Variants in EPHA5 observed in about 807,000 individuals in gnomAD.
The protein encoded by EPHA5 is EPH receptor A5.
Under a neutral mutation model 105.0 loss-of-function variants are expected in EPHA5, and 60 were observed. That is an observed-to-expected ratio of 0.57 (90% CI 0.46 to 0.71). The LOEUF (loss-of-function observed/expected upper bound fraction) is 0.71, where lower values mean the gene tolerates loss of function less well. EPHA5 is among the 30% of genes least tolerant of loss of function. The pLI, the probability that EPHA5 is intolerant of heterozygous loss-of-function variation, is 0.00. For missense variants in EPHA5, 1,218 were observed against 1,274.7 expected, an observed-to-expected ratio of 0.96 and a Z score of 0.68; for synonymous variants, 513 against 449.1, an observed-to-expected ratio of 1.14 and a Z score of -1.80.
chr4:65,433,590 GT>G (rs1212464595), intron 5 of EPHA5, among the ~76,000 whole-genome samples: 2 of 152,158 alleles, frequency 1.3e-5, no homozygotes, highest in Admixed American at 6.6e-5. Context: ...CAACAAAGTA[GT>G]GGTATAAAAC....
Position 65,574,643 on chromosome 4 carries a change from C to CACAT in EPHA5, c.910+26997_910+26998insATGT, listed in dbSNP as rs1553942710. 3.4e-3 allele frequency among the ~76,000 whole-genome samples: 216 copies of CACAT among 63,514 alleles called. 12 individuals are homozygous for CACAT. The highest frequency in any genetic ancestry group is 9.6e-3 in the East Asian group (24 of 2,502). 41.7% of individuals were successfully genotyped at this position (63,514 alleles called of 152,430 possible). A position where few individuals can be genotyped will look rare whatever the true frequency, so the allele number is the denominator to read the frequency against. ...ATATATATACACATATATATATACA[C>CACAT]ATATATATACACATATATATATACA... On this transcript the variant is annotated intron_variant, in intron 3 of 16. Transcript: ENST00000613740.
At position 65,323,814 on chromosome 4, in the gene EPHA5, T is replaced by G. The variant is rs1257119520; in HGVS notation, c.*300A>C. ...ATAAAAGTGCTATATAATTATATATTTCATGTACAAAATTTTGTAGAAGTA... is the reference window on the plus strand; with the variant it reads ...ATAAAAGTGCTATATAATTATATATGTCATGTACAAAATTTTGTAGAAGTA... On this transcript the variant is annotated 3_prime_UTR_variant, in exon 17 of 17. Coordinates refer to ENST00000613740, the MANE Select transcript of EPHA5 (RefSeq NM_001281766.3). The G allele has an allele frequency of 1.9e-5, 5 of 256,542 alleles. No homozygotes were observed. Among genetic ancestry groups the G allele is most frequent in the East Asian group, 1.2e-4 (2 of 17,178 alleles). The allele number at this position is 256,542 out of a possible 1,614,324, so 15.9% of individuals were successfully genotyped here.
At chr4:65,453,638 G>T (rs1476410623) in intron 5 of EPHA5, among the ~76,000 whole-genome samples, 1 of 152,162 alleles carries the variant, frequency 6.6e-6, no homozygotes, top group Non-Finnish European at 1.5e-5. Flanking sequence ...TCTCAAGTAA[G>T]CATGTGTACA....
chr4:65,549,234 C>T (rs1233405619), intron 3 of EPHA5, among the ~76,000 whole-genome samples: 1 of 151,972 alleles, frequency 6.6e-6, no homozygotes, highest in Non-Finnish European at 1.5e-5. Context: ...ATCATTAAGT[C>T]CTGAAAGAAA....
At chr4:65,436,351 G>GAC (rs151176532) in intron 5 of EPHA5, among the ~76,000 whole-genome samples, 11,762 of 150,724 alleles carry the variant, frequency 0.078, 585 homozygotes, top group Non-Finnish European at 0.11. Flanking sequence ...GCTATAAACA[G>GAC]ACACACACAC....
chr4:65,506,703 G>A (rs994279615), intron 3 of EPHA5, among the ~76,000 whole-genome samples: 16 of 151,060 alleles, frequency 1.1e-4, no homozygotes, highest in African/African-American at 2.9e-4. Flanking sequence ...TCCTTCGCCC[G>A]CTTGTTGATG....
At chr4:65,505,406 C>T (rs1732910168) in intron 3 of EPHA5, among the ~76,000 whole-genome samples, 1 of 152,006 alleles carries the variant, frequency 6.6e-6, no homozygotes, top group South Asian at 2.1e-4. Context: ...TTCATAAAAA[C>T]AAGAAGCATC....
chr4:65,446,844 A>T (rs1289313815), intron 5 of EPHA5, among the ~76,000 whole-genome samples: 1 of 152,212 alleles, frequency 6.6e-6, no homozygotes. Flanking sequence ...TAATAACAAA[A>T]GCAGGGACAA....
intron 5 of EPHA5, among the ~76,000 whole-genome samples, chr4:65,465,471 G>T (rs199734334): frequency 1.4e-5 from 1 of 72,458 alleles, no homozygotes; most frequent in East Asian, 3.9e-4. Flanking sequence ...GAAAGAAAAA[G>T]AAAGAAAGAA....
At chr4:65,425,122 A>G (rs1002326216) in intron 5 of EPHA5, among the ~76,000 whole-genome samples, 3 of 152,244 alleles carry the variant, frequency 2.0e-5, no homozygotes, top group South Asian at 4.1e-4. Flanking sequence ...AGAGGTAAAT[A>G]AAACAATATT....
At chr4:65,377,393 C>T (rs1193511455) in intron 8 of EPHA5, among the ~76,000 whole-genome samples, 1 of 151,950 alleles carries the variant, frequency 6.6e-6, no homozygotes, top group East Asian at 1.9e-4. Flanking sequence ...TAATATATCT[C>T]TCCTCAGAAA....
chr4:65,412,922 A>C (rs1263363303), intron 7 of EPHA5, among the ~76,000 whole-genome samples: 17 of 152,184 alleles, frequency 1.1e-4, no homozygotes, highest in African/African-American at 3.9e-4. Context: ...TCATTGGTAT[A>C]GTTATCAAAG....
chr4:65,555,089 A>C (rs187261625), intron 3 of EPHA5, among the ~76,000 whole-genome samples: 1 of 150,886 alleles, frequency 6.6e-6, no homozygotes, highest in East Asian at 2.0e-4. Flanking sequence ...TCTATGTTTC[A>C]ACATGAATTC....
At chr4:65,408,634 A>T (rs184977655) in intron 7 of EPHA5, among the ~76,000 whole-genome samples, 1,656 of 152,202 alleles carry the variant, frequency 0.011, 35 homozygotes, top group African/African-American at 0.038. Flanking sequence ...TCAAAACCAC[A>T]ATGAGATACC....
At chr4:65,599,006 A>G (rs1273052221) in intron 3 of EPHA5, among the ~76,000 whole-genome samples, 1 of 152,046 alleles carries the variant, frequency 6.6e-6, no homozygotes, top group African/African-American at 2.4e-5. Context: ...TGAAACAAAT[A>G]TTTGCATTTG....
At chr4:65,486,266 C>T (rs576612616) in intron 5 of EPHA5, among the ~76,000 whole-genome samples, 3 of 150,040 alleles carry the variant, frequency 2.0e-5, no homozygotes, top group Non-Finnish European at 4.4e-5. Flanking sequence ...CCCATTTACA[C>T]CCCCCCACCC....
At chr4:65,416,988 C>T (rs894732897) in intron 6 of EPHA5, among the ~76,000 whole-genome samples, 25 of 152,218 alleles carry the variant, frequency 1.6e-4, no homozygotes, top group African/African-American at 6.0e-4. Flanking sequence ...GTGACTTTTC[C>T]TGCCTTCGTG....
At chr4:65,396,297 A>C (rs1721229457) in intron 8 of EPHA5, among the ~76,000 whole-genome samples, 1 of 152,182 alleles carries the variant, frequency 6.6e-6, no homozygotes, top group African/African-American at 2.4e-5. Context: ...ACAGGACTTA[A>C]GGCTAATTAA....
chr4:65,442,740 C>T (rs1726143271), intron 5 of EPHA5, among the ~76,000 whole-genome samples: 1 of 152,136 alleles, frequency 6.6e-6, no homozygotes, highest in South Asian at 2.1e-4. Flanking sequence ...CCACCACAAC[C>T]ATATTTTTCC....
Sources: allele counts gnomAD v4.1 joint callset (sites outside exome capture counted in the v4.1 genomes callset), GRCh38; gene constraint gnomAD v4.1.1; transcripts MANE v1.5; gene names NCBI Gene and HGNC (gene_info 2026-07-23, HGNC 2026-07-21).